SYNE1: variants seen among roughly 807,000 people sequenced by gnomAD.
SYNE1 encodes spectrin repeat containing nuclear envelope protein 1, also known as nesprin-1.
In SYNE1, 616 loss-of-function variants were observed where a neutral mutation model predicts 1,111.0. The observed-to-expected ratio is 0.55, with a 90% CI of 0.52 to 0.59. The LOEUF (loss-of-function observed/expected upper bound fraction) is 0.59, where lower values mean the gene tolerates loss of function less well. Ranked by LOEUF, SYNE1 falls within the 20% of genes least tolerant of loss-of-function variation. The pLI is 0.00. For missense variants in SYNE1, 10,006 were observed against 10,417.0 expected (o/e 0.96, Z 1.72); for synonymous variants, 3,855 against 3,825.8 (o/e 1.01, Z -0.28).
intron 3 of SYNE1, among the ~76,000 whole-genome samples, chr6:152,582,327 T>C (rs1448748873): frequency 2.0e-5 from 3 of 152,122 alleles, no homozygotes; most frequent in Non-Finnish European, 4.4e-5. Context: ...TCTTAAACAT[T>C]CTCATAGTAT....
At chr6:152,176,817 T>G (rs1187357024) in intron 129 of SYNE1, among the ~76,000 whole-genome samples, 3 of 152,064 alleles carry the variant, frequency 2.0e-5, no homozygotes, top group Non-Finnish European at 4.4e-5. Context: ...TTACTTGAAA[T>G]ACATATTAAA....
chr6:152,186,008 T>G (rs1161461311), intron 128 of SYNE1, among the ~76,000 whole-genome samples: 1 of 152,216 alleles, frequency 6.6e-6, no homozygotes, highest in East Asian at 1.9e-4. Context: ...CATAATGTCT[T>G]CATTATAAAC....
rs1030767764 is a variant in SYNE1 at position 152,149,059 on chromosome 6, C to T, written c.24642+418G>A. On this transcript the variant is annotated intron_variant, in intron 136 of 145. Transcript: ENST00000367255. ...ATCAATTAAGAAGCTGTTCACTTTG[C>T]TTCCTTTTATTGTATTTCTTCTAGA... is the stretch of plus-strand genomic sequence containing the variant. Among the ~76,000 whole-genome samples the T allele has an allele frequency of 7.9e-5, 12 of 152,286 alleles. No individual in the cohort carries two copies. The East Asian group carries it at 9.7e-4, about 12-fold the overall frequency.
chr6:152,170,126 A>G (rs1426260261), intron 130 of SYNE1, among the ~76,000 whole-genome samples: 1 of 152,172 alleles, frequency 6.6e-6, no homozygotes, highest in African/African-American at 2.4e-5. Flanking sequence ...TCATGGAGTT[A>G]AAAAATTTGA....
chr6:152,568,263 G>A (rs2099424778), intron 3 of SYNE1, among the ~76,000 whole-genome samples: 1 of 145,496 alleles, frequency 6.9e-6, no homozygotes, highest in South Asian at 2.2e-4. Flanking sequence ...CTAAAAATAT[G>A]AGTTAAATTT....
chr6:152,364,899 T>C lies in SYNE1; in HGVS notation c.10093A>G (p.Ser3365Gly), dbSNP rs545457219. Reference protein sequence around the residue: ...GIPTIQQQLQSVKDMWASLLS... With the variant: ...GIPTIQQQLQGVKDMWASLLS... ...AGGGATGCCCACATATCCTTCACAC[T>C]CTGCAGCTGCTGCTGAATAGTGGGA... The change falls in exon 63 of 146, where the codon AGT becomes GGT. Residue 3365 changes from serine to glycine, a missense_variant. Coordinates refer to ENST00000367255, the MANE Select transcript of SYNE1 (RefSeq NM_182961.4). The C allele has an allele frequency of 2.5e-6, 4 of 1,614,238 alleles. No individual in the cohort carries two copies. The East Asian group carries it at 8.9e-5, about 36-fold the overall frequency.
intron 3 of SYNE1, among the ~76,000 whole-genome samples, chr6:152,620,645 A>G (rs2099673367): frequency 6.6e-6 from 1 of 152,076 alleles, no homozygotes; most frequent in Non-Finnish European, 1.5e-5. Context: ...CTTACCTTCA[A>G]AATATATCTA....
chr6:152,489,989 C>T (rs901210265), intron 11 of SYNE1, among the ~76,000 whole-genome samples: 1 of 152,140 alleles, frequency 6.6e-6, no homozygotes, highest in African/African-American at 2.4e-5. Flanking sequence ...GTGACAACCT[C>T]AGCGCTAATA....
At chr6:152,598,785 A>C (rs1457312771) in intron 3 of SYNE1, among the ~76,000 whole-genome samples, 1 of 152,218 alleles carries the variant, frequency 6.6e-6, no homozygotes. Context: ...ATAAATATAC[A>C]TTCAATATGT....
chr6:152,570,419 G>A (rs1462972887), intron 3 of SYNE1, among the ~76,000 whole-genome samples: 2 of 152,156 alleles, frequency 1.3e-5, no homozygotes, highest in African/African-American at 4.8e-5. Flanking sequence ...AGGATAGCCA[G>A]GGAATTAGCA....
At position 152,381,236 on chromosome 6, in the gene SYNE1, G is replaced by C. The variant is rs372633466; in HGVS notation, c.8779C>G (p.Arg2927Gly). The change falls in exon 56 of 146, where the codon CGT (arginine) becomes GGT (glycine). Residue 2927 changes from arginine (R) to glycine (G), a missense_variant. By Grantham distance (125) the Arg-to-Gly change is moderately radical. Coordinates refer to ENST00000367255, the MANE Select transcript of SYNE1 (RefSeq NM_182961.4). The stretch of plus-strand genomic sequence containing the variant: ...TCTTCCCACTGCTTCCAGTCGGCAC[G>C]CAGGGCCTGCATCTCCGTGTGCATG... ...ELMHTEMQALRADWKQWEDSV... is the reference protein window; with the variant it reads ...ELMHTEMQALGADWKQWEDSV... 5.0e-6 allele frequency: 8 copies of C among 1,614,082 alleles called. No individual in the cohort carries two copies. The highest frequency in any genetic ancestry group is 1.7e-5 in the Admixed American group (1 of 60,010).
intron 80 of SYNE1, 104 bp downstream of exon 80, chr6:152,325,854 C>T: frequency 1.5e-6 from 2 of 1,297,228 alleles, no homozygotes; most frequent in Non-Finnish European, 2.1e-6. Flanking sequence ...ATCCTTATCA[C>T]ATTGAAAAAA....
chr6:152,584,964 A>G (rs900515981), intron 3 of SYNE1, among the ~76,000 whole-genome samples: 1 of 152,184 alleles, frequency 6.6e-6, no homozygotes, highest in African/African-American at 2.4e-5. Context: ...TGGCTTGGCT[A>G]TGTCTCCATC....
chr6:152,614,684 G>A (rs538638818), intron 3 of SYNE1, among the ~76,000 whole-genome samples: 11 of 152,218 alleles, frequency 7.2e-5, no homozygotes, highest in African/African-American at 1.4e-4. Flanking sequence ...ACATGCACAC[G>A]TATGTTTATT....
intron 102 of SYNE1, 86 bp downstream of exon 102, chr6:152,256,548 A>T: frequency 6.3e-7 from 1 of 1,577,776 alleles, no homozygotes; most frequent in East Asian, 2.3e-5. Flanking sequence ...GGTGGATGCA[A>T]CAGTCTCACA....
chr6:152,628,369 C>A lies in SYNE1; in HGVS notation c.-38G>T. 1 of 1,604,880 alleles carries A rather than the reference C, an allele frequency of 6.2e-7. No homozygotes were observed. The highest frequency in any genetic ancestry group is 8.5e-7 in the Non-Finnish European group (1 of 1,171,680). On this transcript the variant is annotated 5_prime_UTR_variant, in exon 3 of 146. Transcript: ENST00000367255. ...AGCACGAAGCCAACACCAAGAGACT[C>A]TTCACTGGAGGCAGCACAGGGCTAC...
Position 152,321,215 on chromosome 6 carries a change from CTCTT to C in SYNE1, c.16236+19_16236+22del. The C allele has an allele frequency of 6.2e-7, 1 of 1,612,822 alleles. No homozygotes were observed. Among genetic ancestry groups the C allele is most frequent in the African/African-American group, 1.3e-5 (1 of 75,010 alleles). On this transcript the variant is annotated intron_variant, in intron 84 of 145. Transcript: ENST00000367255. ...ACCCTATAAACAAAATGGAAAGACA[CTCTT>C]TCTTGATCATAGGTTTACCTGATCT...
Position 152,596,270 on chromosome 6 carries a change from GTT to G in SYNE1, c.67+31993_67+31994del, listed in dbSNP as rs35952199. On this transcript the variant is annotated intron_variant, in intron 3 of 145. Transcript: ENST00000367255. ...TATGATTACAGTTTTTTGTTTGTTT[GTT>G]TTTTTTTTTTTTTGAGATGACGTCT... is the stretch of plus-strand genomic sequence containing the variant. Among the ~76,000 whole-genome samples, 337 of 89,140 alleles carry G rather than the reference GTT, an allele frequency of 3.8e-3. 2 individuals are homozygous for G. The highest frequency in any genetic ancestry group is 0.029 in the Middle Eastern group (5 of 172). 58.5% of individuals were successfully genotyped at this position (89,140 alleles called of 152,430 possible).
intron 45 of SYNE1, among the ~76,000 whole-genome samples, chr6:152,406,683 C>T (rs1306230710): frequency 1.3e-5 from 2 of 151,956 alleles, no homozygotes; most frequent in South Asian, 2.1e-4. Context: ...GCCTGACCAA[C>T]ATGGTGAAAT....
Sources: gnomAD v4.1 joint callset for allele counts (sites outside exome capture counted in the v4.1 genomes callset) on GRCh38, gnomAD v4.1.1 for gene constraint, MANE v1.5 for transcripts, NCBI Gene and HGNC (gene_info 2026-07-23, HGNC 2026-07-21) for gene names.